Variants in EFCAB8 observed in about 807,000 individuals in gnomAD.
EFCAB8 encodes the protein EF-hand calcium binding domain 8, also known as EF-hand calcium-binding domain-containing protein 8.
A neutral mutation model predicts 116.3 loss-of-function variants in EFCAB8; 100 were observed. The ratio of observed to expected loss-of-function variants is 0.86; its 90% CI spans 0.73 to 1.02. The LOEUF (loss-of-function observed/expected upper bound fraction) is 1.02, where lower values mean the gene tolerates loss of function less well. Among genes scored for constraint, EFCAB8 ranks in the 50% least tolerant of loss-of-function variants. The pLI is 0.00. For synonymous variants in EFCAB8, 558 were observed against 567.9 expected (o/e 0.98, Z 0.25); for missense variants, 1,320 against 1,416.9 (o/e 0.93, Z 1.10).
intron 17 of EFCAB8, among the ~76,000 whole-genome samples, chr20:32,915,631 C>CT (rs1388904283): frequency 3.3e-5 from 5 of 151,004 alleles, no homozygotes; most frequent in Non-Finnish European, 5.9e-5. Flanking sequence ...GCAATGCAAG[C>CT]TTTTTCTAGC....
At chr20:32,892,960 C>T (rs964455227) in intron 8 of EFCAB8, among the ~76,000 whole-genome samples, 1 of 152,070 alleles carries the variant, frequency 6.6e-6, no homozygotes, top group Admixed American at 6.5e-5. Flanking sequence ...CCTGCCTCAG[C>T]CTCCTGAGTA....
rs767594616 is a variant in EFCAB8 at position 32,918,592 on chromosome 20, A to G, written c.2274+18A>G. 1 of 1,550,202 alleles carries G rather than the reference A, an allele frequency of 6.5e-7. No homozygotes were observed. The highest frequency in any genetic ancestry group is 2.4e-5 in the East Asian group (1 of 40,906). On this transcript the variant is annotated intron_variant, in intron 19 of 26. Transcript: ENST00000400522. ...CCCAGCAGGTGGGAGCGAGAGCCCA[A>G]CCAGAAGGCTACCCTCACTCTCTAG...
intron 22 of EFCAB8, among the ~76,000 whole-genome samples, chr20:32,936,896 G>A (rs1988140553): frequency 1.3e-5 from 2 of 152,150 alleles, no homozygotes; most frequent in South Asian, 2.1e-4. Context: ...ATTGCTTTGG[G>A]TAGTATGAAT....
At chr20:32,956,732 G>A (rs960442098) in intron 23 of EFCAB8, among the ~76,000 whole-genome samples, 5 of 152,034 alleles carry the variant, frequency 3.3e-5, no homozygotes, top group Admixed American at 1.3e-4. Flanking sequence ...TATGATGTGC[G>A]TAAGTGTGGT....
At position 32,918,500 on chromosome 20, in the gene EFCAB8, C is replaced by G. The variant is rs1285353920; in HGVS notation, c.2200C>G (p.Arg734Gly). The change falls in exon 19 of 27, where the codon CGG becomes GGG. Residue 734 changes from arginine to glycine, a missense_variant. By Grantham distance (125) the Arg-to-Gly change is moderately radical. Coordinates refer to ENST00000400522, the MANE Select transcript of EFCAB8 (RefSeq NM_001143967.2). ...PESVANTNLR[R>G]SLVSAPPVMR... Reference sequence around the variant, plus strand: ...GTCTGTGGCCAATACCAACCTGAGGCGGAGCCTGGTGTCGGCTCCCCCAGT... The same window carrying G: ...GTCTGTGGCCAATACCAACCTGAGGGGGAGCCTGGTGTCGGCTCCCCCAGT... The G allele has an allele frequency of 6.4e-7, 1 of 1,551,728 alleles. No individual in the cohort carries two copies. The highest frequency in any genetic ancestry group is 2.4e-5 in the East Asian group (1 of 40,912).
intron 5 of EFCAB8, among the ~76,000 whole-genome samples, chr20:32,882,231 A>C (rs1985376302): frequency 6.6e-6 from 1 of 152,154 alleles, no homozygotes; most frequent in Non-Finnish European, 1.5e-5. Flanking sequence ...ATGCAAATGC[A>C]ATTCAGCCCA....
chr20:32,956,435 A>G (rs1363994405), intron 23 of EFCAB8, among the ~76,000 whole-genome samples: 1 of 152,142 alleles, frequency 6.6e-6, no homozygotes, highest in African/African-American at 2.4e-5. Flanking sequence ...GTTATCTGCC[A>G]CTAATAAATT....
At chr20:32,879,830 T>C (rs1389802717) in intron 5 of EFCAB8, among the ~76,000 whole-genome samples, 1 of 152,172 alleles carries the variant, frequency 6.6e-6, no homozygotes. Flanking sequence ...CAAATTCCTT[T>C]AGTTTAACAG....
intron 20 of EFCAB8, among the ~76,000 whole-genome samples, chr20:32,924,726 T>C (rs1349788289): frequency 1.3e-5 from 2 of 152,226 alleles, no homozygotes; most frequent in Non-Finnish European, 2.9e-5. Context: ...TAAGGATTTG[T>C]ATCATGAATC....
chr20:32,863,125 A>G (rs539917700), intron 1 of EFCAB8, among the ~76,000 whole-genome samples: 12 of 152,036 alleles, frequency 7.9e-5, no homozygotes, highest in Non-Finnish European at 1.3e-4. Flanking sequence ...TCTTGGGCTT[A>G]ACTATTTCTT....
At chr20:32,911,091 G>A (rs1036507287) in intron 15 of EFCAB8, among the ~76,000 whole-genome samples, 1 of 152,172 alleles carries the variant, frequency 6.6e-6, no homozygotes, top group Non-Finnish European at 1.5e-5. Flanking sequence ...ATGTTTCATT[G>A]AGTGGCATGG....
chr20:32,959,683 T>A, intron 24 of EFCAB8, 95 bp from the exon 25 acceptor site: 1 of 890,050 alleles, frequency 1.1e-6, no homozygotes, highest in Non-Finnish European at 1.7e-6. Context: ...TTGGAAAGGA[T>A]CAGGCCAGGA....
chr20:32,922,771 C>T (rs1468455365), intron 20 of EFCAB8, among the ~76,000 whole-genome samples: 1 of 152,082 alleles, frequency 6.6e-6, no homozygotes, highest in Non-Finnish European at 1.5e-5. Flanking sequence ...GGTGCAAGGG[C>T]CCACATGGGA....
intron 23 of EFCAB8, among the ~76,000 whole-genome samples, chr20:32,955,867 T>C (rs1184597433): frequency 1.3e-5 from 2 of 152,238 alleles, no homozygotes; most frequent in African/African-American, 4.8e-5. Flanking sequence ...ATCTCTGTTC[T>C]TATATTTGTG....
chr20:32,942,901 A>G (rs1988449759), intron 22 of EFCAB8, among the ~76,000 whole-genome samples: 1 of 152,114 alleles, frequency 6.6e-6, no homozygotes, highest in Non-Finnish European at 1.5e-5. Context: ...TACCACTCTT[A>G]CTATATACCA....
Position 32,907,110 on chromosome 20 carries a change from G to A in EFCAB8, c.1308+116G>A, listed in dbSNP as rs532941417. ...CATCTGGCCAAAGGCCTAGCAGGAGGGGCCCCGGGTGGGAGGAAGGTGAGG... is the reference window on the plus strand; with the variant it reads ...CATCTGGCCAAAGGCCTAGCAGGAGAGGCCCCGGGTGGGAGGAAGGTGAGG... On this transcript the variant is annotated intron_variant, in intron 13 of 26. Transcript: ENST00000400522. The A allele has an allele frequency of 3.5e-6, 5 of 1,424,986 alleles. No individual in the cohort carries two copies. The East Asian group carries it at 7.7e-5, about 22-fold the overall frequency. The allele number at this position is 1,424,986 out of a possible 1,614,324, so 88.3% of individuals were successfully genotyped here.
At chr20:32,860,442 A>T (rs1176322076) in intron 1 of EFCAB8, among the ~76,000 whole-genome samples, 1 of 146,606 alleles carries the variant, frequency 6.8e-6, no homozygotes, top group African/African-American at 2.6e-5. Context: ...CATGTATCGG[A>T]TCAGGAGGTG....
intron 9 of EFCAB8, among the ~76,000 whole-genome samples, chr20:32,894,042 G>A (rs1328568332): frequency 6.6e-6 from 1 of 152,182 alleles, no homozygotes; most frequent in Non-Finnish European, 1.5e-5. Context: ...AGTCATTGGA[G>A]CTGTTCTGCC....
rs1250689986 is a variant in EFCAB8, at chr20:32,879,208, C to T, written c.431+401C>T. ...ATAGGGGCACAGGTGGCACAGGTGG[C>T]CAGCACAGGCAGGAATAGGAGTTTC... is the stretch of plus-strand genomic sequence containing the variant. On this transcript the variant is annotated intron_variant, in intron 5 of 26. Coordinates refer to ENST00000400522, the MANE Select transcript of EFCAB8 (RefSeq NM_001143967.2). 2.6e-5 allele frequency among the ~76,000 whole-genome samples: 4 copies of T among 152,284 alleles called. No individual in the cohort carries two copies. The South Asian group carries it at 8.3e-4, about 32-fold the overall frequency.
Sources: allele counts gnomAD v4.1 joint callset (sites outside exome capture counted in the v4.1 genomes callset), GRCh38; gene constraint gnomAD v4.1.1; transcripts MANE v1.5; gene names NCBI Gene and HGNC (gene_info 2026-07-23, HGNC 2026-07-21).